KCND2: variants seen among roughly 807,000 people sequenced by gnomAD.
The protein encoded by KCND2 is A-type voltage-gated potassium channel KCND2.
KCND2 carries 16 observed loss-of-function variants against 54.4 expected under a neutral mutation model. The ratio of observed to expected loss-of-function variants is 0.29; its 90% CI spans 0.20 to 0.45. The LOEUF (loss-of-function observed/expected upper bound fraction) is 0.45. KCND2 is among the 20% of genes least tolerant of loss of function. KCND2 has a pLI of 1.00. For synonymous variants in KCND2, 317 were observed against 310.7 expected, an observed-to-expected ratio of 1.02 and a Z score of -0.21; for missense variants, 486 against 824.2, an observed-to-expected ratio of 0.59 and a Z score of 5.02.
chr7:120,527,381 C>T (rs571836096), intron 1 of KCND2, among the ~76,000 whole-genome samples: 1 of 151,992 alleles, frequency 6.6e-6, no homozygotes, highest in African/African-American at 2.4e-5. Context: ...CTTAAAACTG[C>T]GAGACACCTG....
chr7:120,363,454 C>T (rs1447020338), intron 1 of KCND2, among the ~76,000 whole-genome samples: 1 of 152,076 alleles, frequency 6.6e-6, no homozygotes, highest in African/African-American at 2.4e-5. Context: ...AGGAGAAACA[C>T]CTTGCAGTTA....
chr7:120,526,374 T>C (rs1791774178), intron 1 of KCND2, among the ~76,000 whole-genome samples: 2 of 152,214 alleles, frequency 1.3e-5, no homozygotes, highest in South Asian at 4.1e-4. Context: ...TAAATTTGAC[T>C]CCTAATATAC....
intron 1 of KCND2, among the ~76,000 whole-genome samples, chr7:120,726,675 T>C (rs925877198): frequency 6.6e-6 from 1 of 152,222 alleles, no homozygotes; most frequent in African/African-American, 2.4e-5. Context: ...GGATACCTGC[T>C]TTTCAAATAC....
At chr7:120,717,768 A>G (rs536898167) in intron 1 of KCND2, among the ~76,000 whole-genome samples, 1 of 152,138 alleles carries the variant, frequency 6.6e-6, no homozygotes, top group East Asian at 1.9e-4. Flanking sequence ...ATTCAGTTCA[A>G]ATCTTGCCTC....
At chr7:120,461,324 G>A (rs1424381129) in intron 1 of KCND2, among the ~76,000 whole-genome samples, 1 of 152,054 alleles carries the variant, frequency 6.6e-6, no homozygotes, top group Admixed American at 6.6e-5. Context: ...TTTTTCACTA[G>A]GGTTTCTAGA....
chr7:120,738,214 C>T (rs1792898186), intron 2 of KCND2, among the ~76,000 whole-genome samples: 1 of 152,038 alleles, frequency 6.6e-6, no homozygotes, highest in Non-Finnish European at 1.5e-5. Flanking sequence ...CAGTGATCAT[C>T]CACAATGTCA....
chr7:120,629,820 GT>G (rs11326719), intron 1 of KCND2, among the ~76,000 whole-genome samples: 3,471 of 152,222 alleles, frequency 0.023, 127 homozygotes, highest in African/African-American at 0.078. Flanking sequence ...TGCTTTTAAA[GT>G]TTTTAGTCGG....
chr7:120,613,959 G>T (rs960306076), intron 1 of KCND2, among the ~76,000 whole-genome samples: 2 of 151,332 alleles, frequency 1.3e-5, no homozygotes, highest in Non-Finnish European at 2.9e-5. Flanking sequence ...AATTATTTAT[G>T]TATAAAACGA....
chr7:120,500,569 G>C (rs1329067933), intron 1 of KCND2, among the ~76,000 whole-genome samples: 1 of 151,972 alleles, frequency 6.6e-6, no homozygotes, highest in Non-Finnish European at 1.5e-5. Context: ...TGGGCAAGAT[G>C]TTGAAACACT....
chr7:120,624,911 T>A (rs1169563749), intron 1 of KCND2, among the ~76,000 whole-genome samples: 1 of 152,200 alleles, frequency 6.6e-6, no homozygotes, highest in Admixed American at 6.5e-5. Flanking sequence ...AAGCAAGCAG[T>A]CATTGCAAAG....
chr7:120,601,708 G>T (rs1792815767), intron 1 of KCND2, among the ~76,000 whole-genome samples: 1 of 152,124 alleles, frequency 6.6e-6, no homozygotes, highest in Admixed American at 6.6e-5. Flanking sequence ...TTGAACTACT[G>T]TGACAGTCCT....
chr7:120,675,579 G>T (rs1031341049), intron 1 of KCND2, among the ~76,000 whole-genome samples: 25 of 151,936 alleles, frequency 1.6e-4, no homozygotes, highest in African/African-American at 6.0e-4. Flanking sequence ...TTTATATGAA[G>T]CATATGCCCA....
intron 1 of KCND2, among the ~76,000 whole-genome samples, chr7:120,712,349 T>A (rs754766118): frequency 7.2e-6 from 1 of 139,674 alleles, no homozygotes; most frequent in South Asian, 2.5e-4. Flanking sequence ...CTGCAACCTC[T>A]GCCTCCCCAG....
chr7:120,708,772 A>T (rs1792501191), intron 1 of KCND2, among the ~76,000 whole-genome samples: 1 of 152,092 alleles, frequency 6.6e-6, no homozygotes, highest in South Asian at 2.1e-4. Context: ...AACCTGCTTA[A>T]GACATGCTGG....
In KCND2 at chr7:120,361,163, G is replaced by T. The variant is rs187311918; in HGVS notation, c.1115+85416G>T. ...GACTGTCACAGAAGCCTTTAGTTTG[G>T]CAGGAAACAGATTACCATGTAAGCC... On this transcript the variant is annotated intron_variant, in intron 1 of 5. Coordinates refer to ENST00000331113, the MANE Select transcript of KCND2 (RefSeq NM_012281.3). 7.6e-4 allele frequency among the ~76,000 whole-genome samples: 115 copies of T among 151,870 alleles called. 1 individual carries two copies. The highest frequency in any genetic ancestry group is 3.4e-3 in the Middle Eastern group (1 of 294).
chr7:120,728,662 A>G (rs916033907), intron 1 of KCND2, among the ~76,000 whole-genome samples: 3 of 151,930 alleles, frequency 2.0e-5, no homozygotes, highest in East Asian at 3.9e-4. Context: ...CTTTTAATCA[A>G]TCTTATTAAA....
At chr7:120,290,502 G>A (rs973937283) in intron 1 of KCND2, among the ~76,000 whole-genome samples, 4 of 151,734 alleles carry the variant, frequency 2.6e-5, no homozygotes, top group East Asian at 3.9e-4. Context: ...CTATTGGCTC[G>A]TAGTTATACA....
chr7:120,325,490 A>C (rs1226469611), intron 1 of KCND2, among the ~76,000 whole-genome samples: 1 of 151,002 alleles, frequency 6.6e-6, no homozygotes, highest in South Asian at 2.1e-4. Context: ...TACCTAATTT[A>C]TTGAGAGTTT....
chr7:120,422,841 C>T (rs1801646606), intron 1 of KCND2, among the ~76,000 whole-genome samples: 1 of 152,154 alleles, frequency 6.6e-6, no homozygotes, highest in South Asian at 2.1e-4. Context: ...TTCTTCTACT[C>T]CGGGAGTCAA....
Sources: allele counts gnomAD v4.1 joint callset (sites outside exome capture counted in the v4.1 genomes callset), GRCh38; gene constraint gnomAD v4.1.1; transcripts MANE v1.5; gene names NCBI Gene and HGNC (gene_info 2026-07-23, HGNC 2026-07-21).